AEN: variants seen among roughly 807,000 people sequenced by gnomAD.
AEN encodes apoptosis enhancing nuclease, also known as apoptosis-enhancing nuclease.
AEN carries 21 observed loss-of-function variants against 17.7 expected under a neutral mutation model. The observed-to-expected ratio is 1.19, with a 90% CI of 0.84 to 1.71. The LOEUF is 1.71. Ranked by LOEUF, AEN falls within the 40% of genes most tolerant of loss-of-function variation. The pLI, the probability that AEN is intolerant of heterozygous loss-of-function variation, is 0.00. For synonymous variants in AEN, 190 were observed against 173.0 expected (o/e 1.10, Z -0.77); for missense variants, 462 against 435.9 (o/e 1.06, Z -0.53).
chr15:88,629,377 G>C lies in AEN; in HGVS notation c.692G>C (p.Arg231Pro). The change falls in exon 3 of 4, where the codon CGG becomes CCG. Residue 231 changes from arginine to proline, a missense_variant. Arg to Pro is a moderately radical substitution (Grantham distance 103, BLOSUM62 -2). Transcript: ENST00000332810. ...GAGCCCGGCCTCCACACCCGGGCCC[G>C]GGTCTCTCTAAAGGACCTGGCCCTG... is the stretch of plus-strand genomic sequence containing the variant. ...LSEPGLHTRA[R>P]VSLKDLALQL... is the part of the protein sequence containing the mutation. 6.2e-7 allele frequency: 1 copy of C among 1,614,070 alleles called. No homozygotes were observed. The highest frequency in any genetic ancestry group is 1.1e-5 in the South Asian group (1 of 91,080).
At chr15:88,612,992 T>C in the AEN span, among the ~76,000 whole-genome samples, 1 of 152,188 alleles carries the variant, frequency 6.6e-6, no homozygotes, top group African/African-American at 2.4e-5. Context: ...TCAGTGGAGA[T>C]TAATTTTCAA....
At chr15:88,609,358 A>G in the AEN span, among the ~76,000 whole-genome samples, 2 of 152,208 alleles carry the variant, frequency 1.3e-5, no homozygotes, top group Non-Finnish European at 2.9e-5. Context: ...CTTCTTCTTT[A>G]TGAGAATGGT....
chr15:88,609,394 CCAAAT>C, the AEN span, among the ~76,000 whole-genome samples: 10 of 152,304 alleles, frequency 6.6e-5, no homozygotes, highest in African/African-American at 2.4e-4. Context: ...CCCTCCCCCT[CCAAAT>C]CAAAAGCTTC....
At chr15:88,623,151 AG>A (rs1206897089) in intron 1 of AEN, among the ~76,000 whole-genome samples, 1 of 152,178 alleles carries the variant, frequency 6.6e-6, no homozygotes, top group Non-Finnish European at 1.5e-5. Context: ...TGCTGGGCTG[AG>A]GCAGATTAAG....
At chr15:88,621,056 T>C (rs761364681), upstream of AEN, among the ~76,000 whole-genome samples, 23 of 152,174 alleles carry the variant, frequency 1.5e-4, no homozygotes, top group Admixed American at 5.9e-4. Flanking sequence ...CCGACCCAGG[T>C]AGAGGAGTGG....
In AEN at chr15:88,630,167, G is replaced by C. The variant is rs118097475; in HGVS notation, c.851G>C (p.Cys284Ser). The change falls in exon 4 of 4, where the codon TGC becomes TCC. Residue 284 changes from cysteine (C) to serine (S), a missense_variant. By Grantham distance (112) the Cys-to-Ser change is moderately radical (BLOSUM62 -1). Transcript: ENST00000332810. This position sits in a 1 kb window ranked among gnomAD's most constrained non-coding sequence, Gnocchi z 5.1. ...EQQEARSLWT[C>S]PEDREPDSST... ...CAGGAGGCCCGCAGCCTCTGGACCT[G>C]CCCCGAGGACAGAGAACCTGACAGC... 1 of 1,613,866 alleles carries C rather than the reference G, an allele frequency of 6.2e-7. No homozygotes were observed. The highest frequency in any genetic ancestry group is 8.5e-7 in the Non-Finnish European group (1 of 1,179,924).
chr15:88,620,467 T>G (rs1355520276), upstream of AEN, among the ~76,000 whole-genome samples: 4 of 151,892 alleles, frequency 2.6e-5, no homozygotes, highest in Non-Finnish European at 5.9e-5. Context: ...CTGGATGGAG[T>G]GCAATGGCGC....
chr15:88,619,504 A>G (rs778961651), upstream of AEN, among the ~76,000 whole-genome samples: 1 of 152,170 alleles, frequency 6.6e-6, no homozygotes, highest in African/African-American at 2.4e-5. Flanking sequence ...CCTGACCAAC[A>G]TGGTGAAACC....
intron 3 of AEN, 105 bp from the exon 4 acceptor site, chr15:88,629,953 A>T: frequency 9.8e-7 from 1 of 1,020,940 alleles, no homozygotes; most frequent in Non-Finnish European, 1.5e-6. Flanking sequence ...GAGCATACGT[A>T]TTCTTGGGCC....
upstream of AEN, among the ~76,000 whole-genome samples, chr15:88,618,485 C>T (rs377269977): frequency 3.0e-4 from 46 of 152,224 alleles, no homozygotes; most frequent in African/African-American, 9.9e-4. Flanking sequence ...AAAATACATG[C>T]ATAGCATTTC....
chr15:88,627,803 C>G (rs769852012), intron 2 of AEN: 17 of 152,218 alleles, frequency 1.1e-4, no homozygotes, highest in Non-Finnish European at 1.9e-4. Flanking sequence ...AAATTATGCA[C>G]AAGCAAAGGT....
In AEN at chr15:88,627,976, C is replaced by G. The variant is rs980999023; in HGVS notation, c.540+1227C>G. 2.0e-5 allele frequency: 3 copies of G among 152,070 alleles called. No homozygotes were observed. In the East Asian group the frequency reaches 5.8e-4, roughly 29 times the overall value. The allele number at this position is 152,070 out of a possible 1,614,324, so 9.4% of individuals were successfully genotyped here. A position where few individuals can be genotyped will look rare whatever the true frequency, so the allele number is the denominator to read the frequency against. On this transcript the variant is annotated intron_variant, in intron 2 of 3. Transcript: ENST00000332810. ...CTGGTGTACACTATCTCGTGTCCTACTTTTTCACATAACATTGTGGCCCGA... is the reference window on the plus strand; with the variant it reads ...CTGGTGTACACTATCTCGTGTCCTAGTTTTTCACATAACATTGTGGCCCGA...
chr15:88,627,461 T>TTC (rs1567104815), intron 2 of AEN: 1 of 146,054 alleles, frequency 6.8e-6, no homozygotes. Context: ...TCTTGTTTCT[T>TTC]TTTTTTTTTT....
intron 2 of AEN, 41 bp downstream of exon 2, chr15:88,626,790 G>A: frequency 6.4e-7 from 1 of 1,565,514 alleles, no homozygotes; most frequent in South Asian, 1.1e-5. Flanking sequence ...GGTGTGGTGG[G>A]CTGGAAAGAG....
At chr15:88,620,398 T>TTTTCTTTCTTTC (rs375940011), upstream of AEN, among the ~76,000 whole-genome samples, 1 of 151,872 alleles carries the variant, frequency 6.6e-6, no homozygotes, top group Non-Finnish European at 1.5e-5. Flanking sequence ...TTACACTGAA[T>TTTTCTTTCTTTC]TTTCTTTCTT....
At chr15:88,619,589 G>A (rs1480031243), upstream of AEN, among the ~76,000 whole-genome samples, 3 of 152,308 alleles carry the variant, frequency 2.0e-5, no homozygotes, top group African/African-American at 4.8e-5. Context: ...TCCTGAGGCT[G>A]AGGCAGGAAA....
At chr15:88,628,893 A>G (rs2057888828) in intron 2 of AEN, 2 of 257,756 alleles carry the variant, frequency 7.8e-6, no homozygotes, top group South Asian at 5.2e-5. Flanking sequence ...AGGAGAGCCA[A>G]CACCAGCAAT....
chr15:88,631,128 A>G lies in AEN; in HGVS notation c.*834A>G, dbSNP rs973086750. ...CCACCCAGTACTGGGCTCTTAAGCA[A>G]AAGTCTGAGAAACAAGACAGTGGTT... On this transcript the variant is annotated 3_prime_UTR_variant, in exon 4 of 4. Transcript: ENST00000332810. The G allele has an allele frequency of 2.6e-5, 12 of 456,742 alleles. No homozygotes were observed. The highest frequency in any genetic ancestry group is 1.2e-4 in the Admixed American group (5 of 42,590). The allele number at this position is 456,742 out of a possible 1,614,324, so 28.3% of individuals were successfully genotyped here.
the AEN span, among the ~76,000 whole-genome samples, chr15:88,605,787 C>A: frequency 6.6e-6 from 1 of 152,202 alleles, no homozygotes; most frequent in Non-Finnish European, 1.5e-5. The surrounding 1 kb of genome is among the most constrained non-coding windows in gnomAD (Gnocchi z 7.6). Context: ...GGAGCCCCTC[C>A]CCCAGCGAAT....
Sources: allele counts gnomAD v4.1 joint callset (sites outside exome capture counted in the v4.1 genomes callset), GRCh38; gene constraint gnomAD v4.1.1; non-coding constraint Gnocchi (gnomAD v3.1); transcripts MANE v1.5; gene names NCBI Gene and HGNC (gene_info 2026-07-23, HGNC 2026-07-21).